LHB: variants seen among roughly 807,000 people sequenced by gnomAD.
LHB encodes the protein lutropin subunit beta.
Under a neutral mutation model 10.6 loss-of-function variants are expected in LHB, and 11 were observed. The ratio of observed to expected loss-of-function variants is 1.04; its 90% CI spans 0.66 to 1.72. The LOEUF (loss-of-function observed/expected upper bound fraction) is 1.72. Ranked by LOEUF, LHB falls within the 40% of genes most tolerant of loss-of-function variation. The pLI is 0.00. For synonymous variants in LHB, 86 were observed against 83.1 expected, an observed-to-expected ratio of 1.03 and a Z score of -0.19; for missense variants, 184 against 197.3, an observed-to-expected ratio of 0.93 and a Z score of 0.41.
chr19:49,018,396 C>G, upstream of LHB: 1 of 1,077,796 alleles, frequency 9.3e-7, no homozygotes, highest in Non-Finnish European at 1.2e-6. Flanking sequence ...GGACGAGTTT[C>G]AGACCTCGGG....
upstream of LHB, chr19:49,019,082 C>T (rs2039598764): frequency 2.8e-6 from 4 of 1,452,274 alleles, no homozygotes; most frequent in African/African-American, 1.4e-5. Flanking sequence ...AGTTCAGAAT[C>T]CCTCTCCTTC....
At chr19:49,018,208 C>T (rs896606689), upstream of LHB, 1 of 522,448 alleles carries the variant, frequency 1.9e-6, no homozygotes, top group Non-Finnish European at 2.9e-6. Flanking sequence ...GCACGCGGAC[C>T]CGCGGTGGTC....
intron 1 of LHB, 67 bp from the exon 2 acceptor site, chr19:49,016,781 G>A (rs112333942): frequency 1.0e-4 from 168 of 1,602,472 alleles, no homozygotes; most frequent in Middle Eastern, 2.3e-4. Context: ...TTCCCATCCC[G>A]CGTGGTACAC....
At chr19:49,019,073 G>A (rs2039598703), upstream of LHB, 1 of 1,459,112 alleles carries the variant, frequency 6.9e-7, no homozygotes, top group African/African-American at 1.4e-5. Context: ...TGGGTCCCGA[G>A]TTCAGAATCC....
At chr19:49,017,013 G>A in intron 1 of LHB, 54 bp downstream of exon 1, 1 of 1,613,066 alleles carries the variant, frequency 6.2e-7, no homozygotes, top group Non-Finnish European at 8.5e-7. Context: ...CCCTTCTCAT[G>A]CCAGTGATGG....
chr19:49,019,426 C>G (rs1170382981), upstream of LHB: 7 of 1,258,134 alleles, frequency 5.6e-6, no homozygotes, highest in Non-Finnish European at 7.0e-6. Flanking sequence ...ACCCACAGCC[C>G]GCCGTCTAGC....
intron 1 of LHB, 91 bp from the exon 2 acceptor site, chr19:49,016,805 C>T (rs1321519357): frequency 2.5e-6 from 4 of 1,598,646 alleles, no homozygotes; most frequent in Admixed American, 1.7e-5. Context: ...CCACAAAGAC[C>T]CAGAGACCCT....
chr19:49,016,527 C>G lies in LHB; in HGVS notation c.183+20G>C. Reference sequence around the variant, plus strand: ...TGGCCCTGAGGTGGCAGCATCTGCCCCTGGCCCCAGGCAGCTCACCATGGT... The same window carrying G: ...TGGCCCTGAGGTGGCAGCATCTGCCGCTGGCCCCAGGCAGCTCACCATGGT... On this transcript the variant is annotated intron_variant, in intron 2 of 2. Coordinates refer to ENST00000649238, the MANE Select transcript of LHB (RefSeq NM_000894.3). 1 of 1,542,294 alleles carries G rather than the reference C, an allele frequency of 6.5e-7. No individual in the cohort carries two copies. Among genetic ancestry groups the G allele is most frequent in the East Asian group, 2.3e-5 (1 of 44,172 alleles).
upstream of LHB, chr19:49,018,997 G>C (rs1399346253): frequency 2.0e-6 from 3 of 1,532,498 alleles, no homozygotes; most frequent in Non-Finnish European, 2.6e-6. Flanking sequence ...CAGGCAATTA[G>C]AGCCTGAGCA....
chr19:49,018,855 A>G, upstream of LHB: 1 of 1,526,088 alleles, frequency 6.6e-7, no homozygotes, highest in East Asian at 2.4e-5. Flanking sequence ...GGCGGTGCCG[A>G]GCGAGAGCCC....
At chr19:49,019,248 A>T (rs1443309561), upstream of LHB, 1 of 1,319,102 alleles carries the variant, frequency 7.6e-7, no homozygotes, top group Non-Finnish European at 9.7e-7. Flanking sequence ...CTGTTCAAGG[A>T]ACTCAAACCC....
upstream of LHB, chr19:49,018,906 G>A (rs1260632976): frequency 1.0e-4 from 154 of 1,534,340 alleles, no homozygotes; most frequent in Non-Finnish European, 1.3e-4. Flanking sequence ...CGCCGAGGTG[G>A]TCAGATAGAG....
At chr19:49,018,940 G>C, upstream of LHB, 1 of 1,534,378 alleles carries the variant, frequency 6.5e-7, no homozygotes, top group Non-Finnish European at 8.7e-7. Context: ...AGGACGCCCC[G>C]GTCGGATACT....
upstream of LHB, chr19:49,018,978 T>C: frequency 6.5e-7 from 1 of 1,533,614 alleles, no homozygotes. Flanking sequence ...CAGCTCGGGG[T>C]TCTTCGTCCA....
Position 49,016,220 on chromosome 19 carries a change from A to G in LHB, c.274T>C (p.Cys92Arg). The change falls in exon 3 of 3, where the codon TGC becomes CGC. Residue 92 changes from cysteine to arginine, a missense_variant. Cys to Arg is a radical substitution (Grantham distance 180). Coordinates refer to ENST00000649238, the MANE Select transcript of LHB (RefSeq NM_000894.3). ...ACCACGGGGTCCACACCACGCGGGCAGCCAGGGAGCCGGATGGACTCGAAG... is the reference window on the plus strand; with the variant it reads ...ACCACGGGGTCCACACCACGCGGGCGGCCAGGGAGCCGGATGGACTCGAAG... ...VRFESIRLPG[C>R]PRGVDPVVSF... 1 of 1,612,538 alleles carries G rather than the reference A, an allele frequency of 6.2e-7. No individual in the cohort carries two copies. Among genetic ancestry groups the G allele is most frequent in the East Asian group, 2.2e-5 (1 of 44,876 alleles).
Position 49,016,252 on chromosome 19 carries a change from T to C in LHB, c.242A>G (p.Asp81Gly). The change falls in exon 3 of 3, where the codon GAT (aspartate) becomes GGT (glycine). Residue 81 changes from aspartate (D) to glycine (G), a missense_variant. Transcript: ENST00000649238. Reference protein sequence around the residue: ...PLPQVVCTYRDVRFESIRLPG... With the variant: ...PLPQVVCTYRGVRFESIRLPG... The stretch of plus-strand genomic sequence containing the variant: ...GAGCCGGATGGACTCGAAGCGCACA[T>C]CACGGTAGGTGCACACCACCTGAGG... 1 of 1,612,310 alleles carries C rather than the reference T, an allele frequency of 6.2e-7. No homozygotes were observed. Among genetic ancestry groups the C allele is most frequent in the Non-Finnish European group, 8.5e-7 (1 of 1,179,854 alleles).
At chr19:49,018,868 C>CT (rs2039596680), upstream of LHB, 1 of 1,533,134 alleles carries the variant, frequency 6.5e-7, no homozygotes, top group Non-Finnish European at 8.7e-7. Flanking sequence ...GAGAGCCCGG[C>CT]TTACTTGGGA....
upstream of LHB, chr19:49,019,240 G>C (rs2039599860): frequency 7.5e-7 from 1 of 1,335,850 alleles, no homozygotes; most frequent in Non-Finnish European, 9.6e-7. Context: ...ACCTTCTGCT[G>C]TTCAAGGAAC....
upstream of LHB, chr19:49,019,299 T>G (rs894377752): frequency 1.7e-5 from 21 of 1,229,558 alleles, no homozygotes; most frequent in South Asian, 3.9e-4. Flanking sequence ...GGTTCCGCTC[T>G]GTCTTAAACC....
Sources: allele counts gnomAD v4.1 joint callset, GRCh38; gene constraint gnomAD v4.1.1; transcripts MANE v1.5; gene names NCBI Gene and HGNC (gene_info 2026-07-23, HGNC 2026-07-21).